NELL2: variants seen among roughly 807,000 people sequenced by gnomAD.
NELL2 encodes neural EGFL like 2.
NELL2 carries 41 observed loss-of-function variants against 109.6 expected under a neutral mutation model. That is an observed-to-expected ratio of 0.37 (90% confidence interval 0.29 to 0.49). The LOEUF is 0.49. NELL2 is among the 20% of genes least tolerant of loss of function. The probability of loss-of-function intolerance (pLI) is 0.98; values close to 1 mark genes in which losing one functional copy is unlikely to be tolerated. For synonymous variants in NELL2, 355 were observed against 344.7 expected, an observed-to-expected ratio of 1.03 and a Z score of -0.33; for missense variants, 900 against 1,008.3, an observed-to-expected ratio of 0.89 and a Z score of 1.45.
At chr12:44,865,231 T>G (rs1944957322) in intron 2 of NELL2, among the ~76,000 whole-genome samples, 2 of 122,458 alleles carry the variant, frequency 1.6e-5, no homozygotes, top group Non-Finnish European at 3.4e-5. Flanking sequence ...GTTTTTTTCT[T>G]GTAAATTTGT....
chr12:44,804,781 G>A (rs1439314288), intron 3 of NELL2, among the ~76,000 whole-genome samples: 1 of 151,774 alleles, frequency 6.6e-6, no homozygotes, highest in Non-Finnish European at 1.5e-5. Context: ...CAGTGCATAT[G>A]AATGTATGGT....
intron 14 of NELL2, among the ~76,000 whole-genome samples, chr12:44,608,186 C>T (rs1209666725): frequency 6.6e-6 from 1 of 152,008 alleles, no homozygotes; most frequent in Non-Finnish European, 1.5e-5. Flanking sequence ...TGAATTAGAC[C>T]AGCTTGTTCC....
At chr12:44,795,268 T>C (rs906895835) in intron 3 of NELL2, among the ~76,000 whole-genome samples, 9 of 152,116 alleles carry the variant, frequency 5.9e-5, no homozygotes, top group African/African-American at 2.2e-4. Flanking sequence ...AGAAAAGCCA[T>C]ATGTACTTCT....
chr12:44,636,100 T>G (rs1946626553), intron 13 of NELL2, among the ~76,000 whole-genome samples: 1 of 152,190 alleles, frequency 6.6e-6, no homozygotes, highest in Non-Finnish European at 1.5e-5. Flanking sequence ...ATTATTGGTG[T>G]GTAGGAATGT....
chr12:44,808,182 C>G (rs1450069554), intron 3 of NELL2, among the ~76,000 whole-genome samples: 1 of 151,992 alleles, frequency 6.6e-6, no homozygotes, highest in Non-Finnish European at 1.5e-5. Flanking sequence ...AAAGAGTGGA[C>G]TGCTGACAGG....
intron 11 of NELL2, among the ~76,000 whole-genome samples, chr12:44,709,970 T>C (rs901711803): frequency 6.6e-6 from 1 of 152,240 alleles, no homozygotes. Flanking sequence ...GTCTATGTGA[T>C]CATAGTTCTT....
At chr12:44,553,479 T>G (rs1943122302) in intron 15 of NELL2, among the ~76,000 whole-genome samples, 1 of 152,104 alleles carries the variant, frequency 6.6e-6, no homozygotes, top group African/African-American at 2.4e-5. Context: ...ATATATAAAG[T>G]GCTCTTCTCC....
intron 3 of NELL2, among the ~76,000 whole-genome samples, chr12:44,789,197 G>C (rs946203169): frequency 6.6e-6 from 1 of 152,120 alleles, no homozygotes; most frequent in South Asian, 2.1e-4. Flanking sequence ...CACAAAAATA[G>C]AGCATTAAAC....
At chr12:44,906,974 C>G (rs564670973) in intron 1 of NELL2, among the ~76,000 whole-genome samples, 1 of 152,026 alleles carries the variant, frequency 6.6e-6, no homozygotes, top group Non-Finnish European at 1.5e-5. Context: ...GGGAGGGACC[C>G]GGTGGGAGGT....
At chr12:44,896,260 T>A (rs376042187) in intron 1 of NELL2, among the ~76,000 whole-genome samples, 2 of 152,170 alleles carry the variant, frequency 1.3e-5, no homozygotes, top group South Asian at 4.1e-4. Flanking sequence ...TGTAAGCTAA[T>A]ATGAAATACA....
intron 12 of NELL2, among the ~76,000 whole-genome samples, chr12:44,681,816 A>AT (rs1307265518): frequency 6.6e-5 from 10 of 151,916 alleles, no homozygotes; most frequent in Non-Finnish European, 2.9e-5. Context: ...CCAGTCTATC[A>AT]TTGTTGGACA....
chr12:44,614,913 T>C (rs1028671002), intron 13 of NELL2, among the ~76,000 whole-genome samples: 2 of 152,124 alleles, frequency 1.3e-5, no homozygotes, highest in Admixed American at 6.6e-5. Context: ...CTTCAGAAAA[T>C]AGGAGTGAAA....
intron 15 of NELL2, among the ~76,000 whole-genome samples, chr12:44,600,174 T>TG (rs1330813588): frequency 1.4e-5 from 2 of 144,498 alleles, no homozygotes; most frequent in Admixed American, 7.0e-5. Context: ...ATTTATTTAT[T>TG]TATTTATTGT....
intron 3 of NELL2, among the ~76,000 whole-genome samples, chr12:44,806,598 T>C (rs17654558): frequency 0.062 from 9,483 of 151,890 alleles, 425 homozygotes; most frequent in Non-Finnish European, 0.097. Context: ...AAAATAGCCA[T>C]ACTGGTTGAT....
At chr12:44,915,985 T>C (rs1945825971), upstream of NELL2, among the ~76,000 whole-genome samples, 1 of 152,214 alleles carries the variant, frequency 6.6e-6, no homozygotes, top group Non-Finnish European at 1.5e-5. Flanking sequence ...GCTTTTCAAA[T>C]ACCTTTAATG....
At chr12:44,886,032 T>C (rs904014128) in intron 1 of NELL2, among the ~76,000 whole-genome samples, 1 of 149,874 alleles carries the variant, frequency 6.7e-6, no homozygotes, top group South Asian at 2.1e-4. Context: ...TTTCAATGGA[T>C]AAAAGATAAT....
intron 9 of NELL2, among the ~76,000 whole-genome samples, chr12:44,733,303 C>T (rs535451885): frequency 6.6e-6 from 1 of 151,970 alleles, no homozygotes; most frequent in East Asian, 1.9e-4. Context: ...GTGGAAACAA[C>T]CTAAGTGTCC....
intron 19 of NELL2, among the ~76,000 whole-genome samples, chr12:44,511,220 G>A (rs533285469): frequency 1.3e-5 from 2 of 152,184 alleles, no homozygotes; most frequent in African/African-American, 2.4e-5. Flanking sequence ...CCTTAATTAG[G>A]GAAGCATGGA....
chr12:44,543,110 C>T (rs969577283), intron 15 of NELL2, among the ~76,000 whole-genome samples: 3 of 152,120 alleles, frequency 2.0e-5, no homozygotes, highest in East Asian at 1.9e-4. Context: ...TTCTAGACTT[C>T]TCTCCCTCTA....
Sources: allele counts gnomAD v4.1 joint callset (sites outside exome capture counted in the v4.1 genomes callset), GRCh38; gene constraint gnomAD v4.1.1; transcripts MANE v1.5; gene names NCBI Gene and HGNC (gene_info 2026-07-23, HGNC 2026-07-21).